The following BCAR3 variants were observed in gnomAD, a reference collection of about 807,000 sequenced individuals.
BCAR3 encodes BCAR3 adaptor protein, NSP family member, also known as breast cancer anti-estrogen resistance protein 3.
BCAR3 carries 37 observed loss-of-function variants against 80.1 expected under a neutral mutation model. The ratio of observed to expected loss-of-function variants is 0.46; its 90% CI spans 0.36 to 0.61. The LOEUF is 0.61. Among genes scored for constraint, BCAR3 ranks in the 20% least tolerant of loss-of-function variants. The pLI, the probability that BCAR3 is intolerant of heterozygous loss-of-function variation, is 0.00. For synonymous variants in BCAR3, 389 were observed against 418.9 expected, an observed-to-expected ratio of 0.93 and a Z score of 0.87; for missense variants, 978 against 1,068.2, an observed-to-expected ratio of 0.92 and a Z score of 1.18.
At position 93,677,594 on chromosome 1, in the gene BCAR3, G is replaced by T. The variant is rs540902490; in HGVS notation, c.-11-2653C>A. Among the ~76,000 whole-genome samples the T allele has an allele frequency of 2.0e-5, 3 of 152,304 alleles. No homozygotes were observed. In the South Asian group the frequency reaches 6.2e-4, roughly 32 times the overall value. The stretch of plus-strand genomic sequence containing the variant: ...TGAAGAATTCTGACCTGGGGCAGCA[G>T]CTGGGTAAAGGGAGAGAAAGGAGAG... On this transcript the variant is annotated intron_variant, in intron 1 of 11. Coordinates refer to ENST00000260502, the MANE Select transcript of BCAR3 (RefSeq NM_003567.4).
intron 3 of BCAR3, among the ~76,000 whole-genome samples, chr1:93,700,482 T>G (rs1649601025): frequency 6.6e-6 from 1 of 152,232 alleles, no homozygotes; most frequent in African/African-American, 2.4e-5. Flanking sequence ...AATCCTTAAA[T>G]GCCTATTTAT....
chr1:93,687,487 T>G (rs945117454), intron 3 of BCAR3, among the ~76,000 whole-genome samples: 1 of 152,070 alleles, frequency 6.6e-6, no homozygotes, highest in Non-Finnish European at 1.5e-5. Context: ...TTTGTATTTT[T>G]GTAGAGACGG....
At chr1:93,789,214 A>G (rs7550590) in intron 2 of BCAR3, among the ~76,000 whole-genome samples, 21,495 of 152,094 alleles carry the variant, frequency 0.14, 2,467 homozygotes, top group African/African-American at 0.31. Flanking sequence ...GGCTTCAAGC[A>G]ATCCTCCCTC....
At chr1:93,581,335 G>A (rs536357785) in intron 7 of BCAR3, among the ~76,000 whole-genome samples, 32 of 152,082 alleles carry the variant, frequency 2.1e-4, no homozygotes, top group African/African-American at 6.7e-4. Context: ...ATGTTTTTGC[G>A]TAAACCAAAT....
At chr1:93,624,603 T>C (rs1675403508) in intron 3 of BCAR3, among the ~76,000 whole-genome samples, 1 of 152,238 alleles carries the variant, frequency 6.6e-6, no homozygotes, top group Non-Finnish European at 1.5e-5. Context: ...CCATGTCTTA[T>C]TGTCATCATT....
chr1:93,637,227 T>G (rs1009307056), intron 3 of BCAR3, among the ~76,000 whole-genome samples: 1 of 151,926 alleles, frequency 6.6e-6, no homozygotes, highest in African/African-American at 2.4e-5. Flanking sequence ...TGGAGTGCAA[T>G]GGCCCAATCT....
chr1:93,576,240 G>A (rs1673452801), intron 7 of BCAR3, 111 bp from the exon 8 acceptor site: 1 of 748,616 alleles, frequency 1.3e-6, no homozygotes, highest in Non-Finnish European at 2.3e-6. Context: ...GACACTTTAT[G>A]AGTTACATTT....
chr1:93,736,837 G>A lies in BCAR3; in HGVS notation c.-62-30695C>T, dbSNP rs372562672. On this transcript the variant is annotated intron_variant, in intron 2 of 13. Transcript: ENST00000370244. ...TAAAAAATCATCATGGTTAACTTTC[G>A]TTGAGTGCTTTCTGTGTGCTGGGTT... Among the ~76,000 whole-genome samples the A allele has an allele frequency of 3.2e-4, 49 of 152,292 alleles. 3 individuals are homozygous for A. The highest frequency in any genetic ancestry group is 1.4e-3 in the Admixed American group (21 of 15,296).
intron 3 of BCAR3, among the ~76,000 whole-genome samples, chr1:93,688,255 G>T (rs1011104469): frequency 6.6e-6 from 1 of 152,186 alleles, no homozygotes; most frequent in African/African-American, 2.4e-5. Flanking sequence ...AATAGTGACA[G>T]AGTGAAGAAA....
chr1:93,662,192 G>C (rs1210104778), intron 2 of BCAR3, among the ~76,000 whole-genome samples: 1 of 152,210 alleles, frequency 6.6e-6, no homozygotes, highest in Non-Finnish European at 1.5e-5. Flanking sequence ...GCAGCCATGT[G>C]TGACCAACTC....
intron 2 of BCAR3, among the ~76,000 whole-genome samples, chr1:93,830,343 GA>G (rs556066453): frequency 1.5e-3 from 234 of 152,162 alleles, no homozygotes; most frequent in African/African-American, 5.3e-3. Flanking sequence ...CGTCTGTCAG[GA>G]CTCTGAGCCC....
At chr1:93,642,448 C>T (rs1256003512) in intron 2 of BCAR3, 105 bp from the exon 3 acceptor site, 2 of 1,140,992 alleles carry the variant, frequency 1.8e-6, no homozygotes, top group East Asian at 4.8e-5. Context: ...AGTTACTAAG[C>T]TGGGCCCCAT....
chr1:93,587,926 C>T (rs1302677488), intron 5 of BCAR3, among the ~76,000 whole-genome samples: 1 of 152,110 alleles, frequency 6.6e-6, no homozygotes, highest in East Asian at 1.9e-4. Flanking sequence ...GCCAACGTCG[C>T]TGACATTTGA....
At chr1:93,567,954 AGGC>A in intron 9 of BCAR3, 103 bp from the exon 10 acceptor site, 1 of 860,388 alleles carries the variant, frequency 1.2e-6, no homozygotes, top group Non-Finnish European at 1.9e-6. Flanking sequence ...TGGGAGGCTG[AGGC>A]GGGTGGATCA....
intron 3 of BCAR3, among the ~76,000 whole-genome samples, chr1:93,605,982 GACTA>G (rs951975161): frequency 4.6e-5 from 7 of 152,190 alleles, no homozygotes; most frequent in African/African-American, 1.7e-4. Context: ...ATAGTACCAT[GACTA>G]ACTACCATCT....
At chr1:93,689,381 A>G (rs1571047015) in intron 3 of BCAR3, among the ~76,000 whole-genome samples, 2 of 152,018 alleles carry the variant, frequency 1.3e-5, no homozygotes, top group East Asian at 3.9e-4. Flanking sequence ...AAATATAAAA[A>G]TTAGCCGGGT....
intron 3 of BCAR3, among the ~76,000 whole-genome samples, chr1:93,702,450 A>G (rs1275157097): frequency 6.6e-6 from 1 of 152,052 alleles, no homozygotes; most frequent in Non-Finnish European, 1.5e-5. Context: ...CTGGCCTGGC[A>G]CAGCAAGTTG....
chr1:93,604,815 C>T (rs189232454), intron 3 of BCAR3, among the ~76,000 whole-genome samples: 19 of 152,354 alleles, frequency 1.2e-4, no homozygotes, highest in African/African-American at 4.6e-4. Context: ...GCACATACAA[C>T]GCCAACAAAT....
intron 3 of BCAR3, among the ~76,000 whole-genome samples, chr1:93,593,311 A>G (rs564959117): frequency 2.6e-5 from 4 of 152,266 alleles, no homozygotes; most frequent in African/African-American, 4.8e-5. Context: ...TCAAACCCCC[A>G]TGGGAGCCAC....
Sources: gnomAD v4.1 joint callset for allele counts (sites outside exome capture counted in the v4.1 genomes callset) on GRCh38, gnomAD v4.1.1 for gene constraint, MANE v1.5 for transcripts, NCBI Gene and HGNC (gene_info 2026-07-23, HGNC 2026-07-21) for gene names.